Variants in SH3RF3 observed in about 807,000 individuals in gnomAD.
The protein encoded by SH3RF3 is SH3 domain containing ring finger 3.
A neutral mutation model predicts 66.3 loss-of-function variants in SH3RF3; 29 were observed. The ratio of observed to expected loss-of-function variants is 0.44; its 90% CI spans 0.33 to 0.60. SH3RF3 has a LOEUF of 0.60. Ranked by LOEUF, SH3RF3 falls within the 20% of genes least tolerant of loss-of-function variation. SH3RF3 has a pLI of 0.04. For missense variants in SH3RF3, 1,194 were observed against 1,190.9 expected, an observed-to-expected ratio of 1.00 and a Z score of -0.04; for synonymous variants, 583 against 532.0, an observed-to-expected ratio of 1.10 and a Z score of -1.32.
At chr2:109,218,362 A>T (rs573679713) in intron 1 of SH3RF3, among the ~76,000 whole-genome samples, 2 of 152,308 alleles carry the variant, frequency 1.3e-5, no homozygotes, top group African/African-American at 2.4e-5. Context: ...TCAATTCAAA[A>T]TATGGGCTTC....
chr2:109,246,825 A>G (rs1679929099), intron 1 of SH3RF3, among the ~76,000 whole-genome samples: 1 of 152,180 alleles, frequency 6.6e-6, no homozygotes, highest in Non-Finnish European at 1.5e-5. Flanking sequence ...TAGCTCATCC[A>G]CGTGCTTCTG....
chr2:109,344,319 G>A (rs77095135), intron 1 of SH3RF3, among the ~76,000 whole-genome samples: 1,966 of 152,302 alleles, frequency 0.013, 23 homozygotes, highest in Non-Finnish European at 0.02. Flanking sequence ...AGGTGGTGAC[G>A]GGGGAGCAGT....
At chr2:109,214,154 C>T (rs2105120050) in intron 1 of SH3RF3, among the ~76,000 whole-genome samples, 1 of 152,242 alleles carries the variant, frequency 6.6e-6, no homozygotes, top group South Asian at 2.1e-4. Flanking sequence ...AGGTAGGGGC[C>T]TCAGCAGGCT....
Position 109,129,879 on chromosome 2 carries a change from G to A in SH3RF3, c.339G>A (p.Leu113=). 1 of 1,521,944 alleles carries A rather than the reference G, an allele frequency of 6.6e-7. No homozygotes were observed. The highest frequency in any genetic ancestry group is 8.8e-7 in the Non-Finnish European group (1 of 1,140,130). 94.3% of individuals were successfully genotyped at this position (1,521,944 alleles called of 1,614,324 possible). The part of the protein sequence containing the change: ...CGVDELPANI[L]LVRLLDGIRQ... ...TGGACGAACTGCCCGCCAACATCTT[G>A]CTGGTGCGACTGCTGGACGGCATCC... The change falls in exon 1 of 10, where the codon TTG becomes TTA. Residue 113 remains leucine, a synonymous_variant. Transcript: ENST00000309415.
chr2:109,449,054 G>C, intron 7 of SH3RF3, 116 bp from the exon 8 acceptor site: 1 of 1,259,984 alleles, frequency 7.9e-7, no homozygotes, highest in Non-Finnish European at 1.1e-6. Context: ...AGAAACTTCA[G>C]AGAGAGGCTG....
intron 1 of SH3RF3, among the ~76,000 whole-genome samples, chr2:109,289,380 A>T (rs1184990190): frequency 1.3e-5 from 2 of 152,118 alleles, no homozygotes; most frequent in Non-Finnish European, 2.9e-5. Context: ...CTTGCATCAG[A>T]GTTTTAGGGT....
chr2:109,143,834 G>T (rs931217290), intron 1 of SH3RF3, among the ~76,000 whole-genome samples: 18 of 137,856 alleles, frequency 1.3e-4, no homozygotes, highest in Admixed American at 4.3e-4. Flanking sequence ...ACACACACAC[G>T]TATATACACA....
At chr2:109,188,557 A>G (rs1271121847) in intron 1 of SH3RF3, among the ~76,000 whole-genome samples, 2 of 152,156 alleles carry the variant, frequency 1.3e-5, no homozygotes, top group Non-Finnish European at 2.9e-5. Flanking sequence ...CGTCATTGTG[A>G]CTGCATCCCT....
chr2:109,347,354 A>G (rs1682733583), intron 1 of SH3RF3, among the ~76,000 whole-genome samples: 1 of 152,060 alleles, frequency 6.6e-6, no homozygotes, highest in South Asian at 2.1e-4. Flanking sequence ...CAGTGTCCCC[A>G]TCTGTAAATG....
intron 1 of SH3RF3, among the ~76,000 whole-genome samples, chr2:109,291,069 T>C (rs1264693900): frequency 3.3e-5 from 5 of 152,062 alleles, no homozygotes; most frequent in Non-Finnish European, 7.4e-5. Flanking sequence ...CAACAAATAA[T>C]CCCATAGCTT....
chr2:109,385,817 A>C (rs775393200), intron 3 of SH3RF3, among the ~76,000 whole-genome samples: 4 of 152,256 alleles, frequency 2.6e-5, no homozygotes, highest in Non-Finnish European at 4.4e-5. Context: ...CAGAAACAAA[A>C]AAAATAAACC....
intron 1 of SH3RF3, among the ~76,000 whole-genome samples, chr2:109,278,443 T>C (rs1427604858): frequency 6.6e-6 from 1 of 152,204 alleles, no homozygotes; most frequent in African/African-American, 2.4e-5. Flanking sequence ...TGTTGTCTGT[T>C]CAGCTAAAAT....
chr2:109,178,430 G>A (rs1423042674), intron 1 of SH3RF3, among the ~76,000 whole-genome samples: 1 of 151,988 alleles, frequency 6.6e-6, no homozygotes, highest in East Asian at 1.9e-4. Context: ...TTATTGTTTT[G>A]TGAGCTCTAG....
intron 9 of SH3RF3, among the ~76,000 whole-genome samples, chr2:109,499,040 G>A (rs1043588361): frequency 6.6e-6 from 1 of 152,186 alleles, no homozygotes; most frequent in African/African-American, 2.4e-5. Flanking sequence ...GATGGGGACT[G>A]CTGGAGCCCT....
At chr2:109,249,542 TCC>T (rs1491533860) in intron 1 of SH3RF3, among the ~76,000 whole-genome samples, 4 of 123,844 alleles carry the variant, frequency 3.2e-5, no homozygotes, top group South Asian at 2.6e-4. Flanking sequence ...TTTCCTTCCT[TCC>T]TTCCTTCCTT....
intron 8 of SH3RF3, among the ~76,000 whole-genome samples, chr2:109,481,410 G>A (rs1678830579): frequency 6.6e-6 from 1 of 152,168 alleles, no homozygotes. Flanking sequence ...CCACAGGCCA[G>A]AGACTGGTGT....
chr2:109,380,769 C>A (rs1573206211), intron 3 of SH3RF3, among the ~76,000 whole-genome samples: 1 of 152,288 alleles, frequency 6.6e-6, no homozygotes, highest in East Asian at 1.9e-4. Context: ...GCCAGGCAAT[C>A]CCTGCCCACC....
chr2:109,376,798 A>G (rs892339477), intron 3 of SH3RF3, among the ~76,000 whole-genome samples: 8 of 152,214 alleles, frequency 5.3e-5, no homozygotes, highest in African/African-American at 1.9e-4. Flanking sequence ...GTGGCATCCC[A>G]AGGATCCTTA....
At chr2:109,460,463 C>T (rs1168351571) in intron 8 of SH3RF3, among the ~76,000 whole-genome samples, 1 of 152,150 alleles carries the variant, frequency 6.6e-6, no homozygotes, top group East Asian at 1.9e-4. Context: ...AGTGGAAATC[C>T]ATGATGCTGA....
Sources: gnomAD v4.1 joint callset for allele counts (sites outside exome capture counted in the v4.1 genomes callset) on GRCh38, gnomAD v4.1.1 for gene constraint, MANE v1.5 for transcripts, NCBI Gene and HGNC (gene_info 2026-07-23, HGNC 2026-07-21) for gene names.